The following MIPOL1 variants were observed in gnomAD, a reference collection of about 807,000 sequenced individuals.
MIPOL1 encodes mirror-image polydactyly gene 1 protein.
In MIPOL1, 57 loss-of-function variants were observed where a neutral mutation model predicts 60.9. That is an observed-to-expected ratio of 0.94 (90% CI 0.76 to 1.17). The LOEUF is 1.17. MIPOL1 is among the 50% of genes most tolerant of loss of function. MIPOL1 has a pLI of 0.00. For missense variants in MIPOL1, 551 were observed against 511.6 expected, an observed-to-expected ratio of 1.08 and a Z score of -0.74; for synonymous variants, 179 against 168.8, an observed-to-expected ratio of 1.06 and a Z score of -0.47.
At chr14:37,313,055 A>G (rs1226899574) in intron 9 of MIPOL1, among the ~76,000 whole-genome samples, 1 of 152,200 alleles carries the variant, frequency 6.6e-6, no homozygotes, top group Non-Finnish European at 1.5e-5. Context: ...CTGATCTGTC[A>G]CTAATTTTCA....
rs117161678 is a variant in MIPOL1 at position 37,235,229 on chromosome 14, T to G, written c.-198-11874T>G. Among the ~76,000 whole-genome samples, 255 of 152,320 alleles carry G rather than the reference T, an allele frequency of 1.7e-3. 1 individual carries two copies. The highest frequency in any genetic ancestry group is 2.7e-3 in the Non-Finnish European group (185 of 68,030). ...GCATGCTACTTGCTTTTTATCCCAG[T>G]AAGTGCTGTAAATCCAGATTTGTAA... On this transcript the variant is annotated intron_variant, in intron 1 of 12. Transcript: ENST00000684589.
At chr14:37,455,177 GCT>G (rs2094463947) in intron 11 of MIPOL1, among the ~76,000 whole-genome samples, 1 of 152,086 alleles carries the variant, frequency 6.6e-6, no homozygotes, top group South Asian at 2.1e-4. Flanking sequence ...TTTTAAAACT[GCT>G]CTTTCTTCTG....
intron 12 of MIPOL1, among the ~76,000 whole-genome samples, chr14:37,519,731 AATAATG>A (rs2095398572): frequency 6.6e-6 from 1 of 152,158 alleles, no homozygotes; most frequent in African/African-American, 2.4e-5. Flanking sequence ...TAAAAATAGT[AATAATG>A]ATAATGTTAA....
chr14:37,238,240 A>C (rs10142570), intron 1 of MIPOL1, among the ~76,000 whole-genome samples: 2,456 of 152,310 alleles, frequency 0.016, 55 homozygotes, highest in African/African-American at 0.054. Context: ...GCAAACATAC[A>C]CAAAAATAGA....
At chr14:37,501,002 T>A (rs1377447163) in intron 12 of MIPOL1, among the ~76,000 whole-genome samples, 1 of 152,194 alleles carries the variant, frequency 6.6e-6, no homozygotes, top group African/African-American at 2.4e-5. Context: ...GGTTTCTTAC[T>A]TCCCACTACT....
chr14:37,440,186 G>T (rs549006298), intron 11 of MIPOL1, among the ~76,000 whole-genome samples: 3 of 152,132 alleles, frequency 2.0e-5, no homozygotes, highest in Non-Finnish European at 2.9e-5. Context: ...TCCACTCAGT[G>T]TTAAAACTTC....
chr14:37,516,125 G>T (rs1172852197), intron 12 of MIPOL1, among the ~76,000 whole-genome samples: 1 of 152,206 alleles, frequency 6.6e-6, no homozygotes, highest in Non-Finnish European at 1.5e-5. Flanking sequence ...TGTCTATTCA[G>T]TGTGGGGTTT....
At chr14:37,438,679 G>C (rs2094198803) in intron 11 of MIPOL1, among the ~76,000 whole-genome samples, 1 of 152,186 alleles carries the variant, frequency 6.6e-6, no homozygotes, top group Non-Finnish European at 1.5e-5. Flanking sequence ...GGTTAACACA[G>C]TAAAAGAATC....
In MIPOL1 at chr14:37,547,659, A is replaced by G. The variant is rs1208919372; in HGVS notation, c.*688A>G. ...AAGAGGAGACTGTTAATGTGTACTT[A>G]TAAATTCACATTGTCAGTATTTTTT... On this transcript the variant is annotated 3_prime_UTR_variant, in exon 13 of 13. Transcript: ENST00000684589. 6.6e-6 allele frequency: 1 copy of G among 152,618 alleles called. No homozygotes were observed. Among genetic ancestry groups the G allele is most frequent in the Non-Finnish European group, 1.5e-5 (1 of 67,986 alleles). 9.5% of individuals were successfully genotyped at this position (152,618 alleles called of 1,614,324 possible). A position where few individuals can be genotyped will look rare whatever the true frequency, so the allele number is the denominator to read the frequency against.
chr14:37,508,051 C>A (rs34342446), intron 12 of MIPOL1, among the ~76,000 whole-genome samples: 1 of 152,006 alleles, frequency 6.6e-6, no homozygotes, highest in African/African-American at 2.4e-5. Flanking sequence ...GGCTATTAGC[C>A]TATTTTATTG....
intron 10 of MIPOL1, among the ~76,000 whole-genome samples, chr14:37,376,660 A>G (rs947963793): frequency 6.6e-6 from 1 of 152,134 alleles, no homozygotes; most frequent in African/African-American, 2.4e-5. Flanking sequence ...GATATACCAC[A>G]GTTTATTTAT....
chr14:37,296,084 C>G (rs1326784135), intron 7 of MIPOL1, among the ~76,000 whole-genome samples: 1 of 152,136 alleles, frequency 6.6e-6, no homozygotes, highest in African/African-American at 2.4e-5. Flanking sequence ...TGTAAAAGAA[C>G]AGAAATTATA....
At chr14:37,265,668 A>G (rs2082825037) in intron 3 of MIPOL1, among the ~76,000 whole-genome samples, 2 of 152,152 alleles carry the variant, frequency 1.3e-5, no homozygotes, top group Non-Finnish European at 1.5e-5. Context: ...CAAGACAGGC[A>G]GGAAAATTTT....
intron 9 of MIPOL1, among the ~76,000 whole-genome samples, chr14:37,337,775 A>T (rs981759235): frequency 6.6e-6 from 1 of 151,988 alleles, no homozygotes; most frequent in Non-Finnish European, 1.5e-5. Context: ...TATATTCTTG[A>T]TACAAGTTGT....
chr14:37,270,358 A>T (rs1042857284), intron 5 of MIPOL1, 62 bp from the exon 6 acceptor site: 4 of 824,710 alleles, frequency 4.9e-6, no homozygotes, highest in African/African-American at 3.6e-5. Flanking sequence ...CTTTGAAATT[A>T]ATTATATTTT....
intron 10 of MIPOL1, among the ~76,000 whole-genome samples, chr14:37,421,957 C>T (rs2093880010): frequency 6.6e-6 from 1 of 151,956 alleles, no homozygotes; most frequent in African/African-American, 2.4e-5. Flanking sequence ...AGGTTTGTGA[C>T]AACAATTTGC....
At chr14:37,330,444 C>CACT (rs2089571408) in intron 9 of MIPOL1, among the ~76,000 whole-genome samples, 1 of 152,072 alleles carries the variant, frequency 6.6e-6, no homozygotes, top group Non-Finnish European at 1.5e-5. Flanking sequence ...TTTATACAAA[C>CACT]ATAATTCTAA....
Position 37,551,006 on chromosome 14 carries a change from T to C in MIPOL1, c.*4035T>C, listed in dbSNP as rs1431349708. ...TAATGTAGGACTTCATAAATAGTAT[T>C]TGACAATGATAAATGTGTATTTTTG... On this transcript the variant is annotated 3_prime_UTR_variant, in exon 13 of 13. Transcript: ENST00000684589. 1.3e-5 allele frequency: 2 copies of C among 152,102 alleles called. No individual in the cohort carries two copies. Among genetic ancestry groups the C allele is most frequent in the African/African-American group, 4.8e-5 (2 of 41,460 alleles). 9.4% of individuals were successfully genotyped at this position (152,102 alleles called of 1,614,324 possible). A position where few individuals can be genotyped will look rare whatever the true frequency, so the allele number is the denominator to read the frequency against.
chr14:37,370,666 A>G (rs919397486), intron 10 of MIPOL1, among the ~76,000 whole-genome samples: 2 of 152,146 alleles, frequency 1.3e-5, no homozygotes, highest in South Asian at 2.1e-4. Flanking sequence ...CACAAAATGT[A>G]TTTAACTTCA....
Sources: gnomAD v4.1 joint callset for allele counts (sites outside exome capture counted in the v4.1 genomes callset) on GRCh38, gnomAD v4.1.1 for gene constraint, MANE v1.5 for transcripts, NCBI Gene and HGNC (gene_info 2026-07-23, HGNC 2026-07-21) for gene names.